CFAP95: variants seen among roughly 807,000 people sequenced by gnomAD.
CFAP95 encodes the protein cilia and flagella associated protein 95.
At chr9:69,832,620 A>ATTTTTTTTTTTTTTT in the CFAP95 span, among the ~76,000 whole-genome samples, 4 of 11,348 alleles carry the variant, frequency 3.5e-4, no homozygotes, top group African/African-American at 1.3e-3. Context: ...GTCTATTCGG[A>ATTTTTTTTTTTTTTT]TTTTTTTTTT....
At chr9:69,823,974 G>A in the CFAP95 span, among the ~76,000 whole-genome samples, 1 of 152,180 alleles carries the variant, frequency 6.6e-6, no homozygotes, top group East Asian at 1.9e-4. Flanking sequence ...TGGCCATCTA[G>A]ATGTGTACGT....
chr9:69,857,872 C>A, the CFAP95 span: 8 of 1,593,830 alleles, frequency 5.0e-6, no homozygotes, highest in Non-Finnish European at 6.9e-6. Context: ...ACATTACACT[C>A]TAACAAGTTT....
chr9:69,893,795 T>G, the CFAP95 span, among the ~76,000 whole-genome samples: 6 of 152,226 alleles, frequency 3.9e-5, no homozygotes, highest in African/African-American at 1.4e-4. Flanking sequence ...TTCATTTTAG[T>G]GCTATTTTAT....
chr9:69,833,424 ACTC>A, the CFAP95 span, among the ~76,000 whole-genome samples: 1 of 151,986 alleles, frequency 6.6e-6, no homozygotes, highest in African/African-American at 2.4e-5. Flanking sequence ...CTGGTCTCAA[ACTC>A]CTGACCTCAA....
the CFAP95 span, among the ~76,000 whole-genome samples, chr9:69,898,339 C>T: frequency 6.6e-6 from 1 of 152,284 alleles, no homozygotes; most frequent in East Asian, 1.9e-4. Flanking sequence ...TGGGCTTCCC[C>T]AACATTTGTG....
the CFAP95 span, among the ~76,000 whole-genome samples, chr9:69,878,043 A>G: frequency 0.64 from 96,966 of 152,020 alleles, 31,257 homozygotes; most frequent in Middle Eastern, 0.83. Context: ...CAGTTTGCTC[A>G]ATATCCTAGT....
chr9:69,869,440 G>A, the CFAP95 span, among the ~76,000 whole-genome samples: 52 of 152,142 alleles, frequency 3.4e-4, no homozygotes, highest in Admixed American at 2.2e-3. Context: ...GTGGTTGTCA[G>A]GACCTGAGGG....
chr9:69,841,127 G>T, the CFAP95 span, among the ~76,000 whole-genome samples: 2 of 125,396 alleles, frequency 1.6e-5, no homozygotes, highest in African/African-American at 5.8e-5. Context: ...ATGATAGTTA[G>T]ACTGATGGTA....
chr9:69,878,532 C>G, the CFAP95 span, among the ~76,000 whole-genome samples: 3 of 152,202 alleles, frequency 2.0e-5, no homozygotes, highest in Non-Finnish European at 1.5e-5. Flanking sequence ...GTGGTATTCC[C>G]TATCCTTCAC....
chr9:69,851,998 A>T, the CFAP95 span, among the ~76,000 whole-genome samples: 1 of 152,146 alleles, frequency 6.6e-6, no homozygotes, highest in African/African-American at 2.4e-5. Flanking sequence ...GTTCAAAATA[A>T]TAGCAGTTAT....
chr9:69,853,135 G>A, the CFAP95 span, among the ~76,000 whole-genome samples: 4 of 152,112 alleles, frequency 2.6e-5, no homozygotes, highest in Non-Finnish European at 5.9e-5. Flanking sequence ...TTGTCAATTG[G>A]GGATTATCTA....
chr9:69,876,262 G>A, the CFAP95 span, among the ~76,000 whole-genome samples: 1 of 152,234 alleles, frequency 6.6e-6, no homozygotes, highest in Non-Finnish European at 1.5e-5. Context: ...GCTGGGCACA[G>A]TGGCTCAGGC....
chr9:69,842,464 T>C, the CFAP95 span, among the ~76,000 whole-genome samples: 15 of 152,272 alleles, frequency 9.9e-5, no homozygotes, highest in East Asian at 2.9e-3. Context: ...TAAGTTCAAT[T>C]ATGGCAAAAC....
At chr9:69,878,914 C>G in the CFAP95 span, among the ~76,000 whole-genome samples, 2 of 152,134 alleles carry the variant, frequency 1.3e-5, no homozygotes, top group African/African-American at 4.8e-5. Flanking sequence ...GAAGGGGGAG[C>G]AGGCACATCG....
At chr9:69,890,909 G>A in the CFAP95 span, among the ~76,000 whole-genome samples, 13 of 152,034 alleles carry the variant, frequency 8.6e-5, no homozygotes, top group African/African-American at 3.1e-4. Flanking sequence ...GAAGCCATGG[G>A]GTCATTTCCA....
chr9:69,840,877 A>T, the CFAP95 span, among the ~76,000 whole-genome samples: 2 of 152,072 alleles, frequency 1.3e-5, no homozygotes, highest in Non-Finnish European at 2.9e-5. Context: ...TGCCAGTTAC[A>T]TTAGCTCAGT....
At chr9:69,861,547 C>T in the CFAP95 span, among the ~76,000 whole-genome samples, 4 of 152,164 alleles carry the variant, frequency 2.6e-5, no homozygotes, top group East Asian at 5.8e-4. Context: ...GGGGCAGTTA[C>T]CTGGCAGTTG....
At chr9:69,850,116 G>C in the CFAP95 span, among the ~76,000 whole-genome samples, 1 of 152,190 alleles carries the variant, frequency 6.6e-6, no homozygotes, top group African/African-American at 2.4e-5. Context: ...GCCAAAGAAA[G>C]ACCACTTCTG....
chr9:69,837,710 T>G, the CFAP95 span, among the ~76,000 whole-genome samples: 6 of 152,252 alleles, frequency 3.9e-5, no homozygotes, highest in Non-Finnish European at 7.3e-5. Context: ...TAGTTTCTTT[T>G]GCTGTGCAGA....
Sources: gnomAD v4.1 joint callset for allele counts (sites outside exome capture counted in the v4.1 genomes callset) on GRCh38, gnomAD v4.1.1 for gene constraint, MANE v1.5 for transcripts, NCBI Gene and HGNC (gene_info 2026-07-23, HGNC 2026-07-21) for gene names.